Variants in GTF2A1L observed in about 807,000 individuals in gnomAD.
GTF2A1L encodes the protein general transcription factor IIA subunit 1 like.
Under a neutral mutation model 49.7 loss-of-function variants are expected in GTF2A1L, and 48 were observed. The ratio of observed to expected loss-of-function variants is 0.97; its 90% CI spans 0.77 to 1.23. The LOEUF is 1.23. Ranked by LOEUF, GTF2A1L falls within the 50% of genes most tolerant of loss-of-function variation. The pLI is 0.00. For synonymous variants in GTF2A1L, 246 were observed against 193.5 expected, an observed-to-expected ratio of 1.27 and a Z score of -2.25; for missense variants, 736 against 564.8, an observed-to-expected ratio of 1.30 and a Z score of -3.07.
chr2:48,651,345 A>G (rs1418262664), intron 6 of GTF2A1L, among the ~76,000 whole-genome samples: 1 of 152,168 alleles, frequency 6.6e-6, no homozygotes, highest in Non-Finnish European at 1.5e-5. Context: ...TCAACAGGCT[A>G]AAAATACCAG....
At chr2:48,631,566 A>G (rs1676579840) in intron 3 of GTF2A1L, among the ~76,000 whole-genome samples, 1 of 151,728 alleles carries the variant, frequency 6.6e-6, no homozygotes, top group South Asian at 2.1e-4. Flanking sequence ...CTTTCAGAGA[A>G]CCGGTGTTTG....
intron 8 of GTF2A1L, among the ~76,000 whole-genome samples, chr2:48,675,199 A>T (rs1387394689): frequency 6.6e-6 from 1 of 152,114 alleles, no homozygotes; most frequent in African/African-American, 2.4e-5. Flanking sequence ...CGCTTTTGTT[A>T]TGCCACTCTG....
At chr2:48,647,248 AT>A in intron 6 of GTF2A1L, 1 of 473,350 alleles carries the variant, frequency 2.1e-6, no homozygotes, top group Non-Finnish European at 3.6e-6. Flanking sequence ...CAACTTAACC[AT>A]TTTTAAGTGT....
chr2:48,618,008 C>A (rs916143482), intron 1 of GTF2A1L, 113 bp downstream of exon 1: 2 of 1,073,004 alleles, frequency 1.9e-6, no homozygotes, highest in African/African-American at 1.6e-5. Context: ...TGTCATAAAC[C>A]CTCTCTCTTC....
intron 3 of GTF2A1L, among the ~76,000 whole-genome samples, chr2:48,622,519 T>C (rs1358237722): frequency 6.6e-6 from 1 of 152,198 alleles, no homozygotes; most frequent in Non-Finnish European, 1.5e-5. Flanking sequence ...TTTTAACTTA[T>C]GGTTGGCATG....
chr2:48,647,151 G>C (rs1208113323), intron 6 of GTF2A1L, 109 bp downstream of exon 6: 8 of 1,059,122 alleles, frequency 7.6e-6, no homozygotes, highest in Non-Finnish European at 1.0e-5. Context: ...TATATATTTT[G>C]TTTTTTTCTT....
intron 6 of GTF2A1L, among the ~76,000 whole-genome samples, chr2:48,654,145 C>T (rs1678035258): frequency 6.6e-6 from 1 of 152,036 alleles, no homozygotes; most frequent in Non-Finnish European, 1.5e-5. Context: ...TACACCACAT[C>T]CTTGGTAGTT....
At chr2:48,661,496 T>C (rs923645254) in intron 6 of GTF2A1L, among the ~76,000 whole-genome samples, 3 of 151,904 alleles carry the variant, frequency 2.0e-5, no homozygotes, top group African/African-American at 7.3e-5. Context: ...TCAAGTAATC[T>C]GCCTGCCTCA....
At chr2:48,657,572 A>C (rs1415570176) in intron 6 of GTF2A1L, among the ~76,000 whole-genome samples, 1 of 152,156 alleles carries the variant, frequency 6.6e-6, no homozygotes, top group African/African-American at 2.4e-5. Context: ...ATAAGAGTGC[A>C]GGTACGTTTT....
At chr2:48,652,651 T>C (rs573350994) in intron 6 of GTF2A1L, among the ~76,000 whole-genome samples, 1 of 151,212 alleles carries the variant, frequency 6.6e-6, no homozygotes, top group East Asian at 2.0e-4. Flanking sequence ...CAACATGTGG[T>C]TTAGGCCTAG....
chr2:48,652,333 A>G (rs1173767020), intron 6 of GTF2A1L, among the ~76,000 whole-genome samples: 1 of 152,126 alleles, frequency 6.6e-6, no homozygotes, highest in East Asian at 1.9e-4. Context: ...ATGAAAAGCC[A>G]GGCCGGGCAT....
Position 48,679,476 on chromosome 2 carries a change from A to G in GTF2A1L, c.*34A>G. On this transcript the variant is annotated 3_prime_UTR_variant, in exon 9 of 9. Coordinates refer to ENST00000403751, the MANE Select transcript of GTF2A1L (RefSeq NM_006872.5). ...AGCTCAGTACATCTATTTTGTGAAC[A>G]TCAGTTGGATTATATTGCATATTGT... The G allele has an allele frequency of 6.2e-7, 1 of 1,610,520 alleles. No homozygotes were observed. The highest frequency in any genetic ancestry group is 8.5e-7 in the Non-Finnish European group (1 of 1,178,204).
intron 6 of GTF2A1L, among the ~76,000 whole-genome samples, chr2:48,665,210 C>T (rs1038988237): frequency 2.0e-5 from 3 of 152,042 alleles, no homozygotes; most frequent in Non-Finnish European, 4.4e-5. Flanking sequence ...GTGCGAGCCA[C>T]CCTGCCTGGC....
intron 8 of GTF2A1L, 144 bp from the exon 9 acceptor site, chr2:48,679,191 G>A (rs1679631356): frequency 1.9e-6 from 2 of 1,042,796 alleles, no homozygotes; most frequent in Non-Finnish European, 1.3e-6. Context: ...AATGTTTATG[G>A]AATAAACAAA....
chr2:48,619,975 A>G (rs1022699754), intron 1 of GTF2A1L, among the ~76,000 whole-genome samples: 8 of 151,372 alleles, frequency 5.3e-5, no homozygotes, highest in African/African-American at 1.5e-4. Context: ...GAACAGGTGT[A>G]TTTGATAATG....
intron 3 of GTF2A1L, among the ~76,000 whole-genome samples, chr2:48,638,008 C>T (rs996151041): frequency 2.0e-5 from 3 of 152,164 alleles, no homozygotes; most frequent in Non-Finnish European, 4.4e-5. Context: ...TGAACACATA[C>T]ACCCTCCCAA....
chr2:48,621,178 C>A lies in GTF2A1L; in HGVS notation c.135C>A (p.Thr45=). Residue 45 remains threonine (T), a synonymous_variant, in exon 3 of 9, where the codon ACC becomes ACA. Coordinates refer to ENST00000403751, the MANE Select transcript of GTF2A1L (RefSeq NM_006872.5). ...VLKDLKQLWE[T]KVLQSKATED... is the part of the protein sequence containing the mutation. ...TTTCCCCTCTGCAGCTCTGGGAAAC[C>A]AAGGTTTTGCAGTCTAAAGCAACAG... 1 of 1,612,090 alleles carries A rather than the reference C, an allele frequency of 6.2e-7. No homozygotes were observed. Among genetic ancestry groups the A allele is most frequent in the Non-Finnish European group, 8.5e-7 (1 of 1,179,350 alleles).
rs1469556401 is a variant in GTF2A1L at position 48,645,896 on chromosome 2, C to T, written c.389-557C>T. Among the ~76,000 whole-genome samples, 4 of 151,504 alleles carry T rather than the reference C, an allele frequency of 2.6e-5. No homozygotes were observed. The East Asian group carries it at 7.7e-4, about 29-fold the overall frequency. On this transcript the variant is annotated intron_variant, in intron 5 of 8. Coordinates refer to ENST00000403751, the MANE Select transcript of GTF2A1L (RefSeq NM_006872.5). ...ATCTCCTGACCTCGTGATCCACCTG[C>T]CTTGGCCTCCCAAAGTGCTGGGATT...
intron 6 of GTF2A1L, among the ~76,000 whole-genome samples, chr2:48,661,899 A>G (rs1467379351): frequency 1.3e-5 from 2 of 152,128 alleles, no homozygotes; most frequent in Non-Finnish European, 2.9e-5. Flanking sequence ...TTGCGTTTAG[A>G]GTAATTACTG....
Sources: gnomAD v4.1 joint callset for allele counts (sites outside exome capture counted in the v4.1 genomes callset) on GRCh38, gnomAD v4.1.1 for gene constraint, MANE v1.5 for transcripts, NCBI Gene and HGNC (gene_info 2026-07-23, HGNC 2026-07-21) for gene names.